The following ATF7IP variants were observed in gnomAD, a reference collection of about 807,000 sequenced individuals.
ATF7IP encodes the protein activating transcription factor 7-interacting protein 1.
ATF7IP carries 23 observed loss-of-function variants against 106.4 expected under a neutral mutation model. The ratio of observed to expected loss-of-function variants is 0.22; its 90% CI spans 0.16 to 0.31. The LOEUF is 0.31. ATF7IP is among the 10% of genes least tolerant of loss of function. The pLI, the probability that ATF7IP is intolerant of heterozygous loss-of-function variation, is 1.00. For missense variants in ATF7IP, 1,334 were observed against 1,524.3 expected (o/e 0.88, Z 2.08); for synonymous variants, 542 against 539.0 (o/e 1.01, Z -0.08).
At chr12:14,391,714 T>TTTTG (rs759483691) in intron 1 of ATF7IP, among the ~76,000 whole-genome samples, 12 of 152,172 alleles carry the variant, frequency 7.9e-5, no homozygotes, top group East Asian at 7.7e-4. Context: ...GTCTTAGGTA[T>TTTTG]TTTGTTTGTT....
At chr12:14,387,957 T>C (rs1939329172) in intron 1 of ATF7IP, among the ~76,000 whole-genome samples, 1 of 152,156 alleles carries the variant, frequency 6.6e-6, no homozygotes, top group African/African-American at 2.4e-5. Flanking sequence ...CTGTTTTTGC[T>C]ACCTTTTTCT....
chr12:14,453,746 T>C (rs921590567), intron 6 of ATF7IP, among the ~76,000 whole-genome samples: 2 of 151,988 alleles, frequency 1.3e-5, no homozygotes, highest in Non-Finnish European at 2.9e-5. Flanking sequence ...AGCCTCAGCC[T>C]CCTGAGTGGC....
intron 10 of ATF7IP, among the ~76,000 whole-genome samples, chr12:14,469,311 G>C (rs1372314405): frequency 7.2e-6 from 1 of 139,042 alleles, no homozygotes; most frequent in Non-Finnish European, 1.5e-5. Context: ...AGGTTGCCAA[G>C]CCAAGATAAT....
At chr12:14,421,143 A>G (rs1427125242) in intron 1 of ATF7IP, among the ~76,000 whole-genome samples, 1 of 152,216 alleles carries the variant, frequency 6.6e-6, no homozygotes. Flanking sequence ...CAGACATGAT[A>G]TCTCTAGTTT....
At chr12:14,398,992 A>G (rs142993659) in intron 1 of ATF7IP, among the ~76,000 whole-genome samples, 4 of 151,784 alleles carry the variant, frequency 2.6e-5, no homozygotes, top group Non-Finnish European at 5.9e-5. Flanking sequence ...AATTTTCTTT[A>G]TTTTTGCCCC....
chr12:14,463,196 AT>A (rs1278298507), intron 9 of ATF7IP, among the ~76,000 whole-genome samples: 5 of 152,114 alleles, frequency 3.3e-5, no homozygotes, highest in African/African-American at 4.8e-5. Flanking sequence ...TATAATTAAA[AT>A]TTTCTAAGCT....
At chr12:14,466,272 T>G in intron 9 of ATF7IP, 9 of 351,808 alleles carry the variant, frequency 2.6e-5, no homozygotes, top group Admixed American at 4.9e-5. Context: ...ATTATTTCCA[T>G]GAGATACTGC....
chr12:14,389,918 C>T (rs1485492415), intron 1 of ATF7IP, among the ~76,000 whole-genome samples: 2 of 152,212 alleles, frequency 1.3e-5, no homozygotes, highest in African/African-American at 4.8e-5. Context: ...GCCACCGCCC[C>T]CAGCCCCATT....
At chr12:14,430,861 T>A (rs892352389) in intron 2 of ATF7IP, among the ~76,000 whole-genome samples, 26 of 152,356 alleles carry the variant, frequency 1.7e-4, no homozygotes, top group African/African-American at 5.8e-4. Context: ...ACATGTCACA[T>A]AGCACTTATT....
At chr12:14,366,003 T>C (rs780886432) in intron 1 of ATF7IP, among the ~76,000 whole-genome samples, 176 bp downstream of exon 1, 1 of 152,248 alleles carries the variant, frequency 6.6e-6, no homozygotes, top group Non-Finnish European at 1.5e-5. Context: ...GGGCTCTAGC[T>C]GCAGTTGTGC....
chr12:14,418,629 A>T (rs1941330037), intron 1 of ATF7IP, among the ~76,000 whole-genome samples: 1 of 152,220 alleles, frequency 6.6e-6, no homozygotes, highest in Non-Finnish European at 1.5e-5. Context: ...TCGCTAATGC[A>T]AAATACATTT....
chr12:14,491,468 A>T (rs997980130), intron 13 of ATF7IP, among the ~76,000 whole-genome samples: 3 of 152,204 alleles, frequency 2.0e-5, no homozygotes, highest in African/African-American at 7.2e-5. Context: ...CCTCTGGCAC[A>T]CAAATCTCTC....
chr12:14,427,138 T>A (rs538039910), intron 2 of ATF7IP, among the ~76,000 whole-genome samples: 2 of 152,090 alleles, frequency 1.3e-5, no homozygotes, highest in Non-Finnish European at 2.9e-5. Flanking sequence ...GTTTTTGTTT[T>A]GTGAGACAGA....
intron 1 of ATF7IP, among the ~76,000 whole-genome samples, chr12:14,391,051 C>G (rs1217612449): frequency 6.6e-6 from 1 of 152,206 alleles, no homozygotes; most frequent in Non-Finnish European, 1.5e-5. Context: ...CCCTGCTTTA[C>G]TGCTCTTCAC....
intron 10 of ATF7IP, among the ~76,000 whole-genome samples, chr12:14,475,222 A>G (rs969018498): frequency 3.9e-5 from 6 of 152,234 alleles, no homozygotes; most frequent in African/African-American, 9.6e-5. Context: ...AATATTGGAA[A>G]TTGAGATAAT....
At chr12:14,391,016 T>C (rs897078097) in intron 1 of ATF7IP, among the ~76,000 whole-genome samples, 6 of 152,220 alleles carry the variant, frequency 3.9e-5, no homozygotes, top group Non-Finnish European at 8.8e-5. Context: ...AAAAAGTGAT[T>C]AACTTGCACA....
At chr12:14,378,919 A>T (rs1315660850) in intron 1 of ATF7IP, among the ~76,000 whole-genome samples, 1 of 152,230 alleles carries the variant, frequency 6.6e-6, no homozygotes, top group African/African-American at 2.4e-5. Flanking sequence ...GTATGGTGGC[A>T]GCAAAAATCT....
chr12:14,440,701 A>G (rs971433086), intron 5 of ATF7IP, among the ~76,000 whole-genome samples: 2 of 152,192 alleles, frequency 1.3e-5, no homozygotes, highest in Admixed American at 1.3e-4. Flanking sequence ...TACAACCACA[A>G]TCTCTATCTA....
chr12:14,494,303 A>ATGTG (rs1402543824), intron 13 of ATF7IP, among the ~76,000 whole-genome samples: 1 of 80,606 alleles, frequency 1.2e-5, no homozygotes, highest in African/African-American at 6.2e-5. Context: ...ATATATATAT[A>ATGTG]TATATATATA....
Sources: allele counts gnomAD v4.1 joint callset (sites outside exome capture counted in the v4.1 genomes callset), GRCh38; gene constraint gnomAD v4.1.1; transcripts MANE v1.5; gene names NCBI Gene and HGNC (gene_info 2026-07-23, HGNC 2026-07-21).